Variants in HACE1 observed in about 807,000 individuals in gnomAD.
The protein encoded by HACE1 is E3 ubiquitin-protein ligase HACE1.
In HACE1, 73 loss-of-function variants were observed where a neutral mutation model predicts 118.4. The observed-to-expected ratio is 0.62, with a 90% CI of 0.51 to 0.75. The LOEUF (loss-of-function observed/expected upper bound fraction) is 0.75. HACE1 is among the 30% of genes least tolerant of loss of function. HACE1 has a pLI of 0.00. For missense variants in HACE1, 749 were observed against 1,102.2 expected (o/e 0.68, Z 4.54); for synonymous variants, 368 against 374.8 (o/e 0.98, Z 0.21).
chr6:104,777,043 A>T lies in HACE1; in HGVS notation c.1746T>A (p.Ile582=). The change falls in exon 16 of 24, where the codon ATT becomes ATA. Residue 582 remains isoleucine, a synonymous_variant. Transcript: ENST00000262903. ...CTTCTTCTCCATGGAACCGTACAGC[A>T]ATCCCTTGCTTTAGCTTTGCACAAT... is the stretch of plus-strand genomic sequence containing the variant. ...KANCAKLKQG[I]AVRFHGEEGM... 1 of 1,612,268 alleles carries T rather than the reference A, an allele frequency of 6.2e-7. No homozygotes were observed. Among genetic ancestry groups the T allele is most frequent in the Non-Finnish European group, 8.5e-7 (1 of 1,178,574 alleles).
chr6:104,833,453 C>G (rs1269040874), intron 5 of HACE1, among the ~76,000 whole-genome samples: 1 of 152,120 alleles, frequency 6.6e-6, no homozygotes. Context: ...TCAAGTGATC[C>G]TCTTGCCTCA....
chr6:104,818,654 T>C (rs1267536392), intron 6 of HACE1, among the ~76,000 whole-genome samples: 1 of 151,942 alleles, frequency 6.6e-6, no homozygotes, highest in Non-Finnish European at 1.5e-5. Context: ...GCAAGCAGAA[T>C]CCAGCAGCAC....
intron 22 of HACE1, among the ~76,000 whole-genome samples, chr6:104,733,901 C>T (rs1775491288): frequency 6.6e-6 from 1 of 151,158 alleles, no homozygotes; most frequent in Admixed American, 6.6e-5. Flanking sequence ...GCCTGTAATC[C>T]CAGCACTTTG....
At chr6:104,745,610 T>C (rs1431257655) in intron 20 of HACE1, among the ~76,000 whole-genome samples, 1 of 151,996 alleles carries the variant, frequency 6.6e-6, no homozygotes, top group African/African-American at 2.4e-5. Flanking sequence ...CCGGCTAATT[T>C]TTTTGTAGTT....
Position 104,795,496 on chromosome 6 carries a change from G to A in HACE1, c.923+83C>T. The A allele has an allele frequency of 4.7e-6, 4 of 846,574 alleles. No homozygotes were observed. The South Asian group carries it at 5.4e-5, about 11-fold the overall frequency. 52.4% of individuals were successfully genotyped at this position (846,574 alleles called of 1,614,324 possible). On this transcript the variant is annotated intron_variant, in intron 10 of 23. Coordinates refer to ENST00000262903, the MANE Select transcript of HACE1 (RefSeq NM_020771.4). ...ATAACATCGTTATCACTGACAAAAG[G>A]TATCCCACAGAATAAACTACTCAGG...
At chr6:104,825,564 T>C (rs1364560527) in intron 6 of HACE1, among the ~76,000 whole-genome samples, 1 of 152,220 alleles carries the variant, frequency 6.6e-6, no homozygotes, top group African/African-American at 2.4e-5. Flanking sequence ...CTCTGATTAG[T>C]TGCTTCCCAC....
intron 22 of HACE1, among the ~76,000 whole-genome samples, chr6:104,742,980 C>A (rs12195163): frequency 0.055 from 8,343 of 151,938 alleles, 268 homozygotes; most frequent in East Asian, 0.13. Context: ...TACTATGCAG[C>A]CATAAAAAAT....
chr6:104,741,911 T>C (rs1170331115), intron 22 of HACE1, among the ~76,000 whole-genome samples: 1 of 151,438 alleles, frequency 6.6e-6, no homozygotes, highest in African/African-American at 2.4e-5. Context: ...CTTCAAACTA[T>C]ACGACAAGGC....
chr6:104,760,234 AG>A (rs1299690456), intron 19 of HACE1, among the ~76,000 whole-genome samples: 2 of 152,226 alleles, frequency 1.3e-5, no homozygotes, highest in Non-Finnish European at 2.9e-5. Context: ...AGCCTGGCAG[AG>A]ACACAACAAA....
intron 7 of HACE1, among the ~76,000 whole-genome samples, chr6:104,801,455 G>A (rs1770341066): frequency 6.6e-6 from 1 of 152,024 alleles, no homozygotes; most frequent in Admixed American, 6.6e-5. Context: ...AAATATTAAG[G>A]GCAGTCAGAG....
intron 3 of HACE1, 74 bp from the exon 4 acceptor site, chr6:104,849,320 A>C (rs1775953771): frequency 2.2e-6 from 2 of 922,046 alleles, no homozygotes; most frequent in South Asian, 2.6e-5. Context: ...ATTAAAAAAC[A>C]AAATATTCTA....
chr6:104,817,033 TG>T (rs1772192698), intron 6 of HACE1, among the ~76,000 whole-genome samples: 1 of 152,200 alleles, frequency 6.6e-6, no homozygotes, highest in African/African-American at 2.4e-5. Context: ...CACTGTATCT[TG>T]GAAGTAACTA....
At chr6:104,857,845 T>C (rs554252133) in intron 1 of HACE1, among the ~76,000 whole-genome samples, 1 of 151,224 alleles carries the variant, frequency 6.6e-6, no homozygotes, top group South Asian at 2.1e-4. Flanking sequence ...TAGTCCCAAC[T>C]ACTGGGAAGG....
chr6:104,782,209 C>T (rs532411614), intron 14 of HACE1, among the ~76,000 whole-genome samples: 2 of 152,098 alleles, frequency 1.3e-5, no homozygotes, highest in Non-Finnish European at 1.5e-5. Flanking sequence ...TGAACTTGTC[C>T]GGGTGTGGTG....
intron 7 of HACE1, among the ~76,000 whole-genome samples, chr6:104,808,591 G>C (rs905500420): frequency 6.6e-6 from 1 of 151,978 alleles, no homozygotes; most frequent in African/African-American, 2.4e-5. Flanking sequence ...AGTTTCAGTA[G>C]TTGACCCTTG....
chr6:104,832,852 T>A (rs1314915453), intron 6 of HACE1, among the ~76,000 whole-genome samples, 190 bp downstream of exon 6: 1 of 151,586 alleles, frequency 6.6e-6, no homozygotes, highest in African/African-American at 2.4e-5. Flanking sequence ...TGAGCTAGGA[T>A]CCCACCACTG....
chr6:104,834,341 G>A (rs141335802), intron 5 of HACE1, among the ~76,000 whole-genome samples: 12 of 152,060 alleles, frequency 7.9e-5, no homozygotes, highest in Non-Finnish European at 1.6e-4. Context: ...ACATAGCAAT[G>A]CTATATTCCT....
intron 22 of HACE1, among the ~76,000 whole-genome samples, chr6:104,742,617 G>A (rs12177561): frequency 0.45 from 66,507 of 148,430 alleles, 17,056 homozygotes; most frequent in African/African-American, 0.71. Flanking sequence ...ATGAGATACC[G>A]TCTCACACCA....
intron 6 of HACE1, among the ~76,000 whole-genome samples, chr6:104,824,458 CTGTTCA>C (rs1050695175): frequency 2.0e-5 from 3 of 152,136 alleles, no homozygotes; most frequent in African/African-American, 7.2e-5. Context: ...TATGTGAAAA[CTGTTCA>C]TGTGTGCCCA....
Sources: gnomAD v4.1 joint callset for allele counts (sites outside exome capture counted in the v4.1 genomes callset) on GRCh38, gnomAD v4.1.1 for gene constraint, MANE v1.5 for transcripts, NCBI Gene and HGNC (gene_info 2026-07-23, HGNC 2026-07-21) for gene names.